The following CARMIL1 variants were observed in gnomAD, a reference collection of about 807,000 sequenced individuals.
The protein encoded by CARMIL1 is F-actin-uncapping protein LRRC16A.
CARMIL1 carries 90 observed loss-of-function variants against 177.1 expected under a neutral mutation model. The observed-to-expected ratio is 0.51, with a 90% CI of 0.43 to 0.61. The LOEUF (loss-of-function observed/expected upper bound fraction) is 0.61. CARMIL1 is among the 20% of genes least tolerant of loss of function. CARMIL1 has a pLI of 0.00. For missense variants in CARMIL1, 1,380 were observed against 1,667.0 expected, an observed-to-expected ratio of 0.83 and a Z score of 3.00; for synonymous variants, 577 against 606.2, an observed-to-expected ratio of 0.95 and a Z score of 0.71.
At chr6:25,488,677 G>C in intron 13 of CARMIL1, 92 bp downstream of exon 13, 2 of 1,019,448 alleles carry the variant, frequency 2.0e-6, no homozygotes, top group South Asian at 2.6e-5. Flanking sequence ...GCATTTTCCT[G>C]CCTCTCTCTT....
chr6:25,282,971 T>C (rs1217958830), intron 1 of CARMIL1, among the ~76,000 whole-genome samples: 1 of 152,172 alleles, frequency 6.6e-6, no homozygotes, highest in Non-Finnish European at 1.5e-5. Flanking sequence ...TTGTTGAACA[T>C]GTGAATAGAC....
At chr6:25,317,345 C>T (rs549185288) in intron 2 of CARMIL1, among the ~76,000 whole-genome samples, 1 of 152,110 alleles carries the variant, frequency 6.6e-6, no homozygotes, top group South Asian at 2.1e-4. Flanking sequence ...CTATGTTGCC[C>T]AGTCTTGAAC....
chr6:25,613,736 G>T (rs1204375967), intron 36 of CARMIL1, among the ~76,000 whole-genome samples: 2 of 152,170 alleles, frequency 1.3e-5, no homozygotes, highest in Non-Finnish European at 2.9e-5. Context: ...GTATCTGTAA[G>T]GAATATAACA....
At chr6:25,480,674 A>T (rs144451641) in intron 11 of CARMIL1, among the ~76,000 whole-genome samples, 1 of 147,514 alleles carries the variant, frequency 6.8e-6, no homozygotes. Flanking sequence ...ATTTAAATTT[A>T]TATTTAATGT....
intron 36 of CARMIL1, among the ~76,000 whole-genome samples, chr6:25,614,136 C>T (rs1313151086): frequency 6.6e-6 from 1 of 152,152 alleles, no homozygotes; most frequent in Non-Finnish European, 1.5e-5. Context: ...AACAAAAAAA[C>T]ATCTACCAAC....
At chr6:25,374,792 C>T (rs1790813810) in intron 2 of CARMIL1, among the ~76,000 whole-genome samples, 1 of 151,552 alleles carries the variant, frequency 6.6e-6, no homozygotes, top group Admixed American at 6.6e-5. Context: ...TCTTTTTTTA[C>T]TGTTGTTGTT....
At chr6:25,355,984 A>G (rs1788554111) in intron 2 of CARMIL1, among the ~76,000 whole-genome samples, 1 of 151,832 alleles carries the variant, frequency 6.6e-6, no homozygotes, top group Non-Finnish European at 1.5e-5. Flanking sequence ...TCCTCCTGCA[A>G]AATGCCCCTA....
intron 29 of CARMIL1, among the ~76,000 whole-genome samples, chr6:25,559,234 C>T (rs1810903582): frequency 6.6e-6 from 1 of 152,096 alleles, no homozygotes; most frequent in Non-Finnish European, 1.5e-5. Context: ...TCTTTTAATG[C>T]CTCCTTTCAT....
chr6:25,451,986 G>GGGGGGGGGGGGGGCC, intron 8 of CARMIL1: 1 of 112,666 alleles, frequency 8.9e-6, no homozygotes, highest in Non-Finnish European at 1.7e-5. Flanking sequence ...CTAGCATCTT[G>GGGGGGGGGGGGGGCC]CCCCCCCCTC....
rs1780925771 is a variant in CARMIL1, at chr6:25,279,807, G to A, written c.12G>A (p.Glu4=). The part of the protein sequence containing the change: MTE[E]SSDVPRELIE... ...CCTACAGGGCAACCATGACCGAGGA[G>A]AGCTCTGACGTTCCCAGGGAGTTGA... Residue 4 remains glutamate (E), a synonymous_variant, in exon 1 of 37, where the codon GAG becomes GAA. Transcript: ENST00000329474. The A allele has an allele frequency of 6.2e-7, 1 of 1,614,026 alleles. No individual in the cohort carries two copies. Among genetic ancestry groups the A allele is most frequent in the African/African-American group, 1.3e-5 (1 of 75,048 alleles).
At chr6:25,436,328 C>T (rs1277402202) in intron 5 of CARMIL1, among the ~76,000 whole-genome samples, 1 of 152,184 alleles carries the variant, frequency 6.6e-6, no homozygotes, top group Non-Finnish European at 1.5e-5. Flanking sequence ...ACAGGATTCA[C>T]AGATGGCAGA....
In CARMIL1 at chr6:25,441,320, CATATAT is replaced by C. The variant is rs199573016; in HGVS notation, c.371+5729_371+5734del. Among the ~76,000 whole-genome samples the C allele has an allele frequency of 3.2e-4, 32 of 99,672 alleles. No homozygotes were observed. In the South Asian group the frequency reaches 3.3e-3, roughly 10 times the overall value. 65.4% of individuals were successfully genotyped at this position (99,672 alleles called of 152,430 possible). On this transcript the variant is annotated intron_variant, in intron 5 of 36. Transcript: ENST00000329474. ...ATCTCAAAACAAACAAACAAACAAA[CATATAT>C]ATATATATATATGTGTGTGTGTGTG...
chr6:25,573,765 C>T (rs1009680305), intron 29 of CARMIL1, among the ~76,000 whole-genome samples: 18 of 151,754 alleles, frequency 1.2e-4, no homozygotes, highest in African/African-American at 1.9e-4. Flanking sequence ...CTGAAATGAC[C>T]GGCAAAACAT....
At chr6:25,281,124 GTGTGCGCGCGCGCACACACACA>G (rs1436496753) in intron 1 of CARMIL1, among the ~76,000 whole-genome samples, 3 of 44,402 alleles carry the variant, frequency 6.8e-5, no homozygotes, top group South Asian at 2.5e-3. Flanking sequence ...ACGCACGCGC[GTGTGCGCGCGCGCACACACACA>G]CACACACACA....
intron 36 of CARMIL1, chr6:25,612,424 G>T (rs1198477931): frequency 6.6e-6 from 1 of 152,104 alleles, no homozygotes; most frequent in Non-Finnish European, 1.5e-5. Context: ...GATTCTTCTG[G>T]ATTATTCCAT....
chr6:25,588,596 A>C (rs1276741240), intron 31 of CARMIL1, among the ~76,000 whole-genome samples: 1 of 152,222 alleles, frequency 6.6e-6, no homozygotes, highest in Non-Finnish European at 1.5e-5. Context: ...ACGACACCCA[A>C]CAGGGATGGA....
Position 25,279,712 on chromosome 6 carries a change from A to C in CARMIL1, c.-84A>C, listed in dbSNP as rs556009624. On this transcript the variant is annotated 5_prime_UTR_variant, in exon 1 of 37. Coordinates refer to ENST00000329474, the MANE Select transcript of CARMIL1 (RefSeq NM_017640.6). ...ATTTGCAAGCTGCATCTGCCTCTCT[A>C]AAAAAATTGAGGAGTTCGGGGAAGG... 55 of 1,339,336 alleles carry C rather than the reference A, an allele frequency of 4.1e-5. 1 individual carries two copies. In the South Asian group the frequency reaches 6.0e-4, roughly 15 times the overall value. The allele number at this position is 1,339,336 out of a possible 1,614,324, so 83.0% of individuals were successfully genotyped here.
intron 23 of CARMIL1, among the ~76,000 whole-genome samples, chr6:25,521,643 C>G (rs1298173906): frequency 1.3e-5 from 2 of 152,082 alleles, no homozygotes; most frequent in African/African-American, 4.8e-5. Flanking sequence ...GTGGCGGGCG[C>G]CTGTAGTCCC....
At chr6:25,563,804 A>G (rs975434947) in intron 29 of CARMIL1, 3 of 985,410 alleles carry the variant, frequency 3.0e-6, no homozygotes, top group Non-Finnish European at 3.6e-6. Flanking sequence ...CCGTCTGTGT[A>G]AATCACTTGA....
Sources: allele counts gnomAD v4.1 joint callset (sites outside exome capture counted in the v4.1 genomes callset), GRCh38; gene constraint gnomAD v4.1.1; transcripts MANE v1.5; gene names NCBI Gene and HGNC (gene_info 2026-07-23, HGNC 2026-07-21).